The following MALRD1 variants were observed in gnomAD, a reference collection of about 807,000 sequenced individuals.
MALRD1 encodes MAM and LDL receptor class A domain containing 1.
In MALRD1, 247 loss-of-function variants were observed where a neutral mutation model predicts 242.1. The ratio of observed to expected loss-of-function variants is 1.02; its 90% confidence interval spans 0.92 to 1.13. MALRD1 has a LOEUF of 1.13. Among genes scored for constraint, MALRD1 ranks in the 50% most tolerant of loss-of-function variants. The probability of loss-of-function intolerance (pLI) is 0.00; values close to 1 mark genes in which losing one functional copy is unlikely to be tolerated. For synonymous variants in MALRD1, 995 were observed against 866.6 expected (o/e 1.15, Z -2.60); for missense variants, 2,989 against 2,533.1 (o/e 1.18, Z -3.86).
intron 33 of MALRD1, among the ~76,000 whole-genome samples, chr10:19,581,913 C>G (rs893036135): frequency 6.6e-6 from 1 of 152,218 alleles, no homozygotes; most frequent in Admixed American, 6.5e-5. Context: ...GATTCCCATT[C>G]TAACTGGTGT....
chr10:19,344,911 T>C (rs1319210013), intron 24 of MALRD1, among the ~76,000 whole-genome samples: 1 of 152,074 alleles, frequency 6.6e-6, no homozygotes, highest in Admixed American at 6.6e-5. Flanking sequence ...AATAGTTTGA[T>C]TGATGACACA....
At chr10:19,729,846 C>G (rs975585399) in intron 38 of MALRD1, among the ~76,000 whole-genome samples, 2 of 145,230 alleles carry the variant, frequency 1.4e-5, no homozygotes. Flanking sequence ...ACGCCATTCT[C>G]CTGCCTCAGC....
intron 21 of MALRD1, among the ~76,000 whole-genome samples, chr10:19,308,349 C>T (rs1013370341): frequency 6.6e-6 from 1 of 151,372 alleles, no homozygotes; most frequent in Non-Finnish European, 1.5e-5. Context: ...ATATCCTCCT[C>T]CTATGTAAAC....
intron 14 of MALRD1, among the ~76,000 whole-genome samples, chr10:19,184,021 A>G (rs1835633715): frequency 6.6e-6 from 1 of 152,214 alleles, no homozygotes; most frequent in African/African-American, 2.4e-5. Flanking sequence ...CATGACAGAT[A>G]CAACATATCT....
intron 36 of MALRD1, among the ~76,000 whole-genome samples, chr10:19,690,693 C>T (rs1337673402): frequency 6.6e-6 from 1 of 151,596 alleles, no homozygotes; most frequent in Non-Finnish European, 1.5e-5. Context: ...CAAAAGGCCA[C>T]CAGTACTCTA....
chr10:19,500,322 G>A (rs372494122), intron 31 of MALRD1, among the ~76,000 whole-genome samples: 9 of 152,200 alleles, frequency 5.9e-5, no homozygotes, highest in Non-Finnish European at 8.8e-5. Flanking sequence ...GAACAGGACA[G>A]AGAATCAAGA....
chr10:19,431,787 G>A (rs1411192183), intron 28 of MALRD1, among the ~76,000 whole-genome samples: 1 of 151,856 alleles, frequency 6.6e-6, no homozygotes, highest in East Asian at 1.9e-4. Context: ...CAATAATTTT[G>A]CCATAAAGTA....
chr10:19,112,283 A>G (rs189045593), intron 5 of MALRD1, among the ~76,000 whole-genome samples: 54 of 150,668 alleles, frequency 3.6e-4, no homozygotes, highest in Admixed American at 1.1e-3. Context: ...TAGAATGAGT[A>G]GTTTTAGTCT....
intron 10 of MALRD1, among the ~76,000 whole-genome samples, chr10:19,142,212 C>T (rs946294112): frequency 1.7e-5 from 2 of 115,346 alleles, no homozygotes; most frequent in African/African-American, 6.4e-5. Flanking sequence ...AATGCTAAAA[C>T]ACTTCATGAA....
intron 23 of MALRD1, among the ~76,000 whole-genome samples, chr10:19,331,142 G>T (rs1198064383): frequency 6.6e-6 from 1 of 152,136 alleles, no homozygotes; most frequent in African/African-American, 2.4e-5. Flanking sequence ...ACATAAGCCA[G>T]TGGTGTTGCC....
chr10:19,530,448 A>AATAAATATTATATCATATG lies in MALRD1; in HGVS notation c.5321-746_5321-745insATAAATATTATATCATATG, dbSNP rs1554793525. Among the ~76,000 whole-genome samples the AATAAATATTATATCATATG allele has an allele frequency of 3.3e-4, 33 of 100,164 alleles. No homozygotes were observed. In the East Asian group the frequency reaches 7.6e-3, roughly 23 times the overall value. 65.7% of individuals were successfully genotyped at this position (100,164 alleles called of 152,430 possible). A position where few individuals can be genotyped will look rare whatever the true frequency, so the allele number is the denominator to read the frequency against. ...ATATATAATATATATAATATATAAT[A>AATAAATATTATATCATATG]TATAATATATAATAATAAATAATTA... On this transcript the variant is annotated intron_variant, in intron 31 of 39. Coordinates refer to ENST00000454679, the MANE Select transcript of MALRD1 (RefSeq NM_001142308.3).
intron 1 of MALRD1, chr10:19,052,000 C>A (rs758672287): frequency 3.4e-6 from 1 of 295,714 alleles, no homozygotes; most frequent in South Asian, 3.4e-5. Flanking sequence ...CCTAAATACT[C>A]AGAAGCACCG....
At chr10:19,605,916 A>G (rs1838596334) in intron 34 of MALRD1, among the ~76,000 whole-genome samples, 1 of 152,088 alleles carries the variant, frequency 6.6e-6, no homozygotes, top group South Asian at 2.1e-4. Context: ...ACTGTGTTAC[A>G]TGTGGTGGAA....
chr10:19,570,584 A>T (rs1052971711), intron 33 of MALRD1, among the ~76,000 whole-genome samples: 8 of 152,002 alleles, frequency 5.3e-5, no homozygotes, highest in African/African-American at 1.9e-4. Context: ...TAGGCATTGA[A>T]CACCTATGTC....
chr10:19,450,268 G>T (rs754413281), intron 28 of MALRD1, 39 bp from the exon 29 acceptor site: 42 of 1,504,908 alleles, frequency 2.8e-5, no homozygotes, highest in African/African-American at 4.2e-5. Flanking sequence ...CTTCTTTTGT[G>T]TTTGATTATT....
At chr10:19,108,379 T>C (rs537784673) in intron 5 of MALRD1, among the ~76,000 whole-genome samples, 2 of 61,992 alleles carry the variant, frequency 3.2e-5, no homozygotes, top group East Asian at 8.9e-4. Context: ...GCTCATGAAT[T>C]GTTTTTTCTT....
At chr10:19,704,871 G>T (rs530934291) in intron 38 of MALRD1, among the ~76,000 whole-genome samples, 1 of 152,294 alleles carries the variant, frequency 6.6e-6, no homozygotes, top group East Asian at 1.9e-4. Flanking sequence ...AAGAGGCCAG[G>T]AGTGGGTGCT....
At chr10:19,547,706 TA>T (rs1340292581) in intron 32 of MALRD1, among the ~76,000 whole-genome samples, 2 of 142,694 alleles carry the variant, frequency 1.4e-5, no homozygotes, top group African/African-American at 5.1e-5. Context: ...CACTTAAATT[TA>T]AACCTAATAA....
At chr10:19,650,298 A>T (rs1589359531) in intron 36 of MALRD1, among the ~76,000 whole-genome samples, 3 of 152,330 alleles carry the variant, frequency 2.0e-5, no homozygotes, top group African/African-American at 7.2e-5. Context: ...GAAATACAAC[A>T]CAACTTCAGA....
Sources: allele counts gnomAD v4.1 joint callset (sites outside exome capture counted in the v4.1 genomes callset), GRCh38; gene constraint gnomAD v4.1.1; transcripts MANE v1.5; gene names NCBI Gene and HGNC (gene_info 2026-07-23, HGNC 2026-07-21).